LRBA: variants seen among roughly 807,000 people sequenced by gnomAD.
LRBA encodes lipopolysaccharide-responsive and beige-like anchor protein.
LRBA carries 176 observed loss-of-function variants against 330.0 expected under a neutral mutation model. The observed-to-expected ratio is 0.53, with a 90% CI of 0.47 to 0.60. The LOEUF (loss-of-function observed/expected upper bound fraction) is 0.60. Among genes scored for constraint, LRBA ranks in the 20% least tolerant of loss-of-function variants. LRBA has a pLI of 0.00. For synonymous variants in LRBA, 1,230 were observed against 1,193.0 expected, an observed-to-expected ratio of 1.03 and a Z score of -0.64; for missense variants, 3,259 against 3,444.8, an observed-to-expected ratio of 0.95 and a Z score of 1.35.
intron 48 of LRBA, among the ~76,000 whole-genome samples, chr4:150,335,540 A>G (rs1256988720): frequency 1.3e-5 from 2 of 149,584 alleles, no homozygotes; most frequent in African/African-American, 4.9e-5. Context: ...GTGTATATAT[A>G]TATATACACA....
rs70941465 is a variant in LRBA, at chr4:151,005,437, C to CAAAA, written c.216+8986_216+8989dup. Among the ~76,000 whole-genome samples the CAAAA allele has an allele frequency of 3.5e-4, 21 of 60,590 alleles. 1 individual carries two copies. Among genetic ancestry groups the CAAAA allele is most frequent in the African/African-American group, 1.2e-3 (17 of 13,664 alleles). 39.7% of individuals were successfully genotyped at this position (60,590 alleles called of 152,430 possible). A position where few individuals can be genotyped will look rare whatever the true frequency, so the allele number is the denominator to read the frequency against. ...CAGACAACAGTACAAGACTCCAACTCAAAAAAAAAAAAAAAAAAAAAAAAA... is the reference window on the plus strand; with the variant it reads ...CAGACAACAGTACAAGACTCCAACTCAAAAAAAAAAAAAAAAAAAAAAAAAAAAA... On this transcript the variant is annotated intron_variant, in intron 2 of 56. Coordinates refer to ENST00000651943, the MANE Select transcript of LRBA (RefSeq NM_001364905.1).
intron 2 of LRBA, among the ~76,000 whole-genome samples, chr4:150,959,635 G>C (rs773076202): frequency 6.7e-6 from 1 of 148,514 alleles, no homozygotes; most frequent in East Asian, 1.9e-4. Flanking sequence ...CAATAACAAC[G>C]AATTGGTCTC....
At chr4:150,711,404 T>C (rs1012343782) in intron 36 of LRBA, among the ~76,000 whole-genome samples, 1 of 151,464 alleles carries the variant, frequency 6.6e-6, no homozygotes, top group Admixed American at 6.6e-5. Flanking sequence ...CCCAGCTAAT[T>C]TTTTTGTATT....
chr4:150,657,442 T>C (rs1231261023), intron 37 of LRBA, among the ~76,000 whole-genome samples: 1 of 152,062 alleles, frequency 6.6e-6, no homozygotes, highest in Non-Finnish European at 1.5e-5. Flanking sequence ...AGAACAATAT[T>C]TATTCCATTT....
chr4:150,473,145 T>A (rs1395520155), intron 42 of LRBA, among the ~76,000 whole-genome samples: 1 of 152,190 alleles, frequency 6.6e-6, no homozygotes, highest in African/African-American at 2.4e-5. Flanking sequence ...CTTGCTCTTG[T>A]GTGTATTTTG....
intron 31 of LRBA, among the ~76,000 whole-genome samples, chr4:150,810,157 G>A (rs1247748002): frequency 6.6e-6 from 1 of 152,046 alleles, no homozygotes; most frequent in Non-Finnish European, 1.5e-5. Flanking sequence ...TTGGTTTTTA[G>A]GCAGTACTTG....
chr4:150,690,233 G>C lies in LRBA; in HGVS notation c.5755-6516C>G, dbSNP rs193052816. Among the ~76,000 whole-genome samples the C allele has an allele frequency of 3.0e-4, 45 of 152,244 alleles. No individual in the cohort carries two copies. The East Asian group carries it at 7.3e-3, about 25-fold the overall frequency. On this transcript the variant is annotated intron_variant, in intron 36 of 56. Coordinates refer to ENST00000651943, the MANE Select transcript of LRBA (RefSeq NM_001364905.1). The stretch of plus-strand genomic sequence containing the variant: ...AAAAACAGAAGGTAGGCCGGGCGCT[G>C]TGGCTCATGCCTCTAATCCCAGCAC...
At chr4:150,969,359 G>A (rs969636689) in intron 2 of LRBA, among the ~76,000 whole-genome samples, 25 of 152,214 alleles carry the variant, frequency 1.6e-4, no homozygotes, top group African/African-American at 6.0e-4. Context: ...TAGATGCCAT[G>A]AGGAACATTT....
At chr4:150,530,248 A>T (rs1293688624) in intron 40 of LRBA, among the ~76,000 whole-genome samples, 1 of 152,180 alleles carries the variant, frequency 6.6e-6, no homozygotes, top group Non-Finnish European at 1.5e-5. Flanking sequence ...AAAAGTGCTA[A>T]GGAAGCAGAA....
intron 47 of LRBA, among the ~76,000 whole-genome samples, chr4:150,373,875 C>T (rs991439942): frequency 1.3e-5 from 2 of 152,150 alleles, no homozygotes; most frequent in Non-Finnish European, 2.9e-5. Flanking sequence ...TAATTCAGTG[C>T]CCTCATACCA....
chr4:150,408,876 T>C (rs1440307531), intron 47 of LRBA, among the ~76,000 whole-genome samples: 3 of 152,164 alleles, frequency 2.0e-5, no homozygotes, highest in Non-Finnish European at 4.4e-5. Context: ...TTTACCTTTA[T>C]ATATAAAGCT....
intron 35 of LRBA, among the ~76,000 whole-genome samples, chr4:150,759,392 T>C (rs534458792): frequency 1.3e-5 from 2 of 152,352 alleles, no homozygotes; most frequent in Admixed American, 1.3e-4. Context: ...TTTCTTGCTA[T>C]ATTGGCCTCA....
At chr4:150,334,895 C>T (rs1397077824) in intron 48 of LRBA, among the ~76,000 whole-genome samples, 2 of 146,610 alleles carry the variant, frequency 1.4e-5, no homozygotes, top group Non-Finnish European at 3.0e-5. Context: ...GGTGGTGCAA[C>T]CTTGTCTCAC....
At chr4:150,921,669 T>C (rs939910814) in intron 4 of LRBA, among the ~76,000 whole-genome samples, 8 of 152,118 alleles carry the variant, frequency 5.3e-5, no homozygotes, top group Non-Finnish European at 1.2e-4. Flanking sequence ...GCCTCCCAGA[T>C]TCAAGTGATT....
intron 34 of LRBA, among the ~76,000 whole-genome samples, chr4:150,769,485 G>A (rs1340503464): frequency 6.6e-6 from 1 of 152,114 alleles, no homozygotes; most frequent in Non-Finnish European, 1.5e-5. Flanking sequence ...TCTAGACCCA[G>A]GAAGAGACAA....
chr4:150,824,983 T>C (rs1746011915), intron 30 of LRBA, among the ~76,000 whole-genome samples: 1 of 151,280 alleles, frequency 6.6e-6, no homozygotes, highest in Admixed American at 6.6e-5. Flanking sequence ...CAGGCTAGTC[T>C]CAAATTCCTG....
intron 46 of LRBA, among the ~76,000 whole-genome samples, chr4:150,421,259 ATT>A (rs1309931926): frequency 3.1e-5 from 4 of 127,598 alleles, no homozygotes; most frequent in African/African-American, 5.4e-5. Context: ...TATCATACAT[ATT>A]TTATATATAT....
intron 2 of LRBA, among the ~76,000 whole-genome samples, chr4:150,997,842 T>A (rs1468957375): frequency 6.6e-6 from 1 of 151,942 alleles, no homozygotes; most frequent in Non-Finnish European, 1.5e-5. Flanking sequence ...TAGCTGGGAT[T>A]ACAGGCGCAC....
chr4:150,916,793 A>C (rs897377553), intron 5 of LRBA, 55 bp from the exon 6 acceptor site: 2 of 1,387,882 alleles, frequency 1.4e-6, no homozygotes, highest in Non-Finnish European at 1.9e-6. Context: ...TCTTATTAAA[A>C]TCATGAAAAT....
Sources: allele counts gnomAD v4.1 joint callset (sites outside exome capture counted in the v4.1 genomes callset), GRCh38; gene constraint gnomAD v4.1.1; transcripts MANE v1.5; gene names NCBI Gene and HGNC (gene_info 2026-07-23, HGNC 2026-07-21).